RSRC2: variants seen among roughly 807,000 people sequenced by gnomAD.
RSRC2 encodes arginine/serine-rich coiled-coil protein 2.
A neutral mutation model predicts 61.3 loss-of-function variants in RSRC2; 5 were observed. That is an observed-to-expected ratio of 0.08 (90% CI 0.04 to 0.17). The LOEUF is 0.17. RSRC2 is among the 10% of genes least tolerant of loss of function. The pLI, the probability that RSRC2 is intolerant of heterozygous loss-of-function variation, is 1.00. For synonymous variants in RSRC2, 202 were observed against 166.5 expected, an observed-to-expected ratio of 1.21 and a Z score of -1.64; for missense variants, 381 against 518.8, an observed-to-expected ratio of 0.73 and a Z score of 2.58.
chr12:122,515,579 A>G (rs1958846829), intron 5 of RSRC2, among the ~76,000 whole-genome samples: 1 of 152,208 alleles, frequency 6.6e-6, no homozygotes, highest in Non-Finnish European at 1.5e-5. Context: ...AGCCTTATAC[A>G]TTAGTCATTT....
chr12:122,513,652 T>A (rs1958696464), intron 6 of RSRC2: 1 of 242,020 alleles, frequency 4.1e-6, no homozygotes, highest in African/African-American at 2.3e-5. Flanking sequence ...ATTATTTCCA[T>A]ACTAGTTTCA....
At chr12:122,508,741 G>A (rs1958282274) in intron 7 of RSRC2, among the ~76,000 whole-genome samples, 1 of 152,068 alleles carries the variant, frequency 6.6e-6, no homozygotes, top group Non-Finnish European at 1.5e-5. Context: ...CGGATCACCT[G>A]AGGTTGGGAG....
At position 122,523,075 on chromosome 12, in the gene RSRC2, A is replaced by AG. The variant is rs1446508490; in HGVS notation, c.7-777dup. 24 of 152,204 alleles carry AG rather than the reference A, an allele frequency of 1.6e-4. 1 individual carries two copies. The highest frequency in any genetic ancestry group is 5.3e-4 in the African/African-American group (22 of 41,468). 9.4% of individuals were successfully genotyped at this position (152,204 alleles called of 1,614,324 possible). On this transcript the variant is annotated intron_variant, in intron 1 of 9. Coordinates refer to ENST00000331738, the MANE Select transcript of RSRC2 (RefSeq NM_023012.6). ...GATACACCTGGGGAATTGATTACTT[A>AG]GGAAGGGTTGGCAAGCTATGGTCCT... is the stretch of plus-strand genomic sequence containing the variant.
intron 1 of RSRC2, among the ~76,000 whole-genome samples, chr12:122,524,965 T>G (rs1396724981): frequency 6.6e-6 from 1 of 152,184 alleles, no homozygotes; most frequent in Non-Finnish European, 1.5e-5. Flanking sequence ...AGACAAATCT[T>G]TTTCCACTGC....
intron 6 of RSRC2, 177 bp downstream of exon 6, chr12:122,514,928 G>T: frequency 1.3e-6 from 1 of 745,994 alleles, no homozygotes; most frequent in Non-Finnish European, 2.1e-6. Flanking sequence ...CAATCTTATA[G>T]TTGTGCAAAT....
intron 6 of RSRC2, chr12:122,514,840 A>G (rs1356187359): frequency 1.4e-6 from 1 of 725,080 alleles, no homozygotes; most frequent in Non-Finnish European, 1.9e-6. Flanking sequence ...ATGCAAACTG[A>G]AAATATTTGG....
At chr12:122,524,991 T>C (rs1233805544) in intron 1 of RSRC2, among the ~76,000 whole-genome samples, 1 of 152,164 alleles carries the variant, frequency 6.6e-6, no homozygotes. Flanking sequence ...AGGTAAGCAC[T>C]GGATTGAATA....
chr12:122,526,603 G>A (rs573520675), intron 1 of RSRC2, among the ~76,000 whole-genome samples: 26 of 152,098 alleles, frequency 1.7e-4, no homozygotes, highest in South Asian at 1.5e-3. Flanking sequence ...AGGAACGTAG[G>A]GTTGGGGAAG....
Position 122,511,124 on chromosome 12 carries a change from G to T in RSRC2, c.790C>A (p.Gln264Lys). ...AAAAAATTACCTGCAGCTATTTCTTGTTGTTTTTGTTTTTCAACCATTTCC... is the reference window on the plus strand; with the variant it reads ...AAAAAATTACCTGCAGCTATTTCTTTTTGTTTTTGTTTTTCAACCATTTCC... ...EKEMVEKQKQQEIAAAAATGG... is the reference protein window; with the variant it reads ...EKEMVEKQKQKEIAAAAATGG... Residue 264 changes from glutamine to lysine, a missense_variant, in exon 7 of 10, where the codon CAA becomes AAA. Physicochemically the swap from Gln to Lys is moderately conservative, Grantham distance 53. This residue lies in a region of RSRC2 where 26 missense variants were observed against 27.5 expected (regional missense o/e 0.95). Transcript: ENST00000331738. The T allele has an allele frequency of 6.2e-7, 1 of 1,605,326 alleles. No individual in the cohort carries two copies. The highest frequency in any genetic ancestry group is 8.5e-7 in the Non-Finnish European group (1 of 1,178,620).
chr12:122,519,237 C>A, intron 3 of RSRC2: 1 of 501,744 alleles, frequency 2.0e-6, no homozygotes, highest in East Asian at 3.2e-5. Flanking sequence ...GTAGTTCCTC[C>A]CCAAAATATT....
chr12:122,508,638 T>C (rs2137427074), intron 7 of RSRC2, among the ~76,000 whole-genome samples, 191 bp from the exon 8 acceptor site: 1 of 152,280 alleles, frequency 6.6e-6, no homozygotes, highest in East Asian at 1.9e-4. Context: ...TCAACGGACA[T>C]ATTTCTACAT....
At chr12:122,508,971 A>C (rs1262856197) in intron 7 of RSRC2, among the ~76,000 whole-genome samples, 1 of 152,040 alleles carries the variant, frequency 6.6e-6, no homozygotes, top group Admixed American at 6.6e-5. Context: ...CAAAAAAAAA[A>C]CCCATTTATT....
intron 7 of RSRC2, among the ~76,000 whole-genome samples, chr12:122,509,802 AG>A (rs1383356339): frequency 6.6e-6 from 1 of 152,110 alleles, no homozygotes; most frequent in African/African-American, 2.4e-5. Flanking sequence ...CCAAATCAAC[AG>A]TAAGCTCTTC....
chr12:122,506,798 C>T (rs753772996), intron 9 of RSRC2, 36 bp downstream of exon 9: 12 of 1,224,802 alleles, frequency 9.8e-6, no homozygotes, highest in African/African-American at 1.5e-5. Context: ...GGGCTAATAG[C>T]TAATACAAAG....
Position 122,508,194 on chromosome 12 carries a change from GAAAAGCAGAAT to G in RSRC2, c.1035+13_1035+23del. 6.3e-7 allele frequency: 1 copy of G among 1,589,478 alleles called. No individual in the cohort carries two copies. The highest frequency in any genetic ancestry group is 8.6e-7 in the Non-Finnish European group (1 of 1,157,644). On this transcript the variant is annotated intron_variant, in intron 8 of 9. Transcript: ENST00000331738. ...AATTACTAATTAGGAATAAACGACAGAAAAGCAGAATAAGAGAACTTACCCCTTCTTTCTTG... is the reference window on the plus strand; with the variant it reads ...AATTACTAATTAGGAATAAACGACAGAAGAGAACTTACCCCTTCTTTCTTG...
intron 5 of RSRC2, among the ~76,000 whole-genome samples, chr12:122,515,598 T>C (rs1009482273): frequency 9.2e-5 from 14 of 152,376 alleles, no homozygotes; most frequent in African/African-American, 3.4e-4. Flanking sequence ...TTTGTGCTCT[T>C]GTAGGTCAAT....
chr12:122,507,570 C>T (rs1009698942), intron 8 of RSRC2, among the ~76,000 whole-genome samples: 1 of 151,278 alleles, frequency 6.6e-6, no homozygotes, highest in African/African-American at 2.4e-5. Context: ...TTCCTTACTA[C>T]TTCTATGGTA....
At chr12:122,524,433 T>C (rs1295758970) in intron 1 of RSRC2, among the ~76,000 whole-genome samples, 1 of 152,184 alleles carries the variant, frequency 6.6e-6, no homozygotes, top group Non-Finnish European at 1.5e-5. Flanking sequence ...GCAAATCCCA[T>C]TTACTTTTGC....
chr12:122,516,001 A>G (rs1040117421), intron 5 of RSRC2, among the ~76,000 whole-genome samples: 2 of 152,028 alleles, frequency 1.3e-5, no homozygotes, highest in Non-Finnish European at 2.9e-5. Context: ...AACAAACAAA[A>G]AAACTAGATG....
Sources: gnomAD v4.1 joint callset for allele counts (sites outside exome capture counted in the v4.1 genomes callset) on GRCh38, gnomAD v4.1.1 for gene constraint, gnomAD v4.1.1 regional missense constraint, MANE v1.5 for transcripts, NCBI Gene and HGNC (gene_info 2026-07-23, HGNC 2026-07-21) for gene names.